The following ANO3 variants were observed in gnomAD, a reference collection of about 807,000 sequenced individuals.
ANO3 encodes anoctamin-3.
ANO3 carries 99 observed loss-of-function variants against 144.8 expected under a neutral mutation model. The observed-to-expected ratio is 0.68, with a 90% CI of 0.58 to 0.81. The LOEUF (loss-of-function observed/expected upper bound fraction) is 0.81, where lower values mean the gene tolerates loss of function less well. Ranked by LOEUF, ANO3 falls within the 30% of genes least tolerant of loss-of-function variation. The pLI, the probability that ANO3 is intolerant of heterozygous loss-of-function variation, is 0.00. For synonymous variants in ANO3, 414 were observed against 392.6 expected (o/e 1.05, Z -0.64); for missense variants, 905 against 1,202.2 (o/e 0.75, Z 3.66).
chr11:26,551,113 T>C (rs895851526), intron 12 of ANO3, among the ~76,000 whole-genome samples: 1 of 152,002 alleles, frequency 6.6e-6, no homozygotes, highest in African/African-American at 2.4e-5. Flanking sequence ...ACAAAGCAAA[T>C]ATTTTATCTT....
chr11:26,373,885 G>A (rs1856331409), intron 1 of ANO3, among the ~76,000 whole-genome samples: 1 of 152,188 alleles, frequency 6.6e-6, no homozygotes, highest in Non-Finnish European at 1.5e-5. Flanking sequence ...CAAGCAACAA[G>A]TAAGTTTCCA....
intron 8 of ANO3, among the ~76,000 whole-genome samples, chr11:26,534,223 A>G (rs1022020262): frequency 2.0e-5 from 3 of 152,238 alleles, no homozygotes; most frequent in African/African-American, 7.2e-5. Context: ...TCCTTGTTCC[A>G]TGTGAAATAA....
chr11:26,467,996 A>T (rs11029571), intron 4 of ANO3, among the ~76,000 whole-genome samples: 1 of 151,636 alleles, frequency 6.6e-6, no homozygotes, highest in African/African-American at 2.4e-5. Context: ...TTCTTGTTTC[A>T]TGAATATGGA....
intron 21 of ANO3, 62 bp from the exon 22 acceptor site, chr11:26,641,834 T>C: frequency 2.0e-6 from 3 of 1,518,808 alleles, no homozygotes; most frequent in Non-Finnish European, 2.7e-6. Context: ...TAATTCACTA[T>C]ACATTGTTAA....
At chr11:26,601,817 A>G (rs908938638) in intron 17 of ANO3, among the ~76,000 whole-genome samples, 1 of 152,202 alleles carries the variant, frequency 6.6e-6, no homozygotes, top group African/African-American at 2.4e-5. Context: ...GTCGATTTCT[A>G]GGTCACAGAA....
chr11:26,389,868 C>T (rs1197085150), intron 1 of ANO3, among the ~76,000 whole-genome samples: 5 of 151,886 alleles, frequency 3.3e-5, no homozygotes, highest in South Asian at 2.1e-4. Flanking sequence ...TACAATAAAC[C>T]TGATGTATTT....
chr11:26,549,812 T>G (rs951151165), intron 12 of ANO3, among the ~76,000 whole-genome samples: 4 of 152,052 alleles, frequency 2.6e-5, no homozygotes, highest in African/African-American at 9.6e-5. Flanking sequence ...GAAGCAGAGC[T>G]GAAGCCCCAA....
intron 1 of ANO3, among the ~76,000 whole-genome samples, chr11:26,391,754 C>G (rs1856885939): frequency 6.6e-6 from 1 of 152,010 alleles, no homozygotes; most frequent in South Asian, 2.1e-4. Context: ...TTGAGAGACC[C>G]TATCTCTATT....
At chr11:26,283,321 A>AATATATATATATATAT (rs58419788) in intron 1 of ANO3, among the ~76,000 whole-genome samples, 27 of 49,072 alleles carry the variant, frequency 5.5e-4, no homozygotes, top group African/African-American at 7.7e-4. Flanking sequence ...CAAATAAATA[A>AATATATATATATATAT]ATATATATAT....
At chr11:26,386,562 A>G (rs1223199330) in intron 1 of ANO3, among the ~76,000 whole-genome samples, 5 of 152,200 alleles carry the variant, frequency 3.3e-5, no homozygotes, top group Admixed American at 3.3e-4. Flanking sequence ...TCGCATCACC[A>G]TGTTGCAATG....
Position 26,661,294 on chromosome 11 carries a change from AT to A in ANO3, c.*856del, listed in dbSNP as rs1391761412. 3.3e-5 allele frequency: 5 copies of A among 152,598 alleles called. No homozygotes were observed. In the East Asian group the frequency reaches 7.8e-4, roughly 24 times the overall value. 9.5% of individuals were successfully genotyped at this position (152,598 alleles called of 1,614,324 possible). A position where few individuals can be genotyped will look rare whatever the true frequency, so the allele number is the denominator to read the frequency against. ...GGAAGGCTGTTTTATAGTTTATTTA[AT>A]TTTTTCTCTATGATTTATTACAACT... On this transcript the variant is annotated 3_prime_UTR_variant, in exon 27 of 27. Transcript: ENST00000256737.
chr11:26,211,816 G>A (rs79839969), intron 1 of ANO3, among the ~76,000 whole-genome samples: 45,994 of 152,028 alleles, frequency 0.3, 7,693 homozygotes, highest in Non-Finnish European at 0.37. Context: ...AAACCCAAAT[G>A]TCCATCAATT....
rs564299613 is a variant in ANO3, at chr11:26,380,479, G to A, written c.46+48158G>A. On this transcript the variant is annotated intron_variant, in intron 1 of 26. Coordinates refer to ENST00000256737, the MANE Select transcript of ANO3 (RefSeq NM_031418.4). ...TGGGAAGTCCAAGATCAAGGCATCA[G>A]CACATTAGGTGTCTGGTGAGCACTC... Among the ~76,000 whole-genome samples, 38 of 152,266 alleles carry A rather than the reference G, an allele frequency of 2.5e-4. 1 individual carries two copies. In the South Asian group the frequency reaches 7.7e-3, roughly 31 times the overall value.
chr11:26,244,284 A>G (rs1852733827), intron 1 of ANO3, among the ~76,000 whole-genome samples: 2 of 152,192 alleles, frequency 1.3e-5, no homozygotes, highest in South Asian at 4.1e-4. Context: ...TGGACTTACT[A>G]AATCAGAAAT....
chr11:26,339,361 G>A (rs1855290278), intron 1 of ANO3, among the ~76,000 whole-genome samples: 1 of 152,050 alleles, frequency 6.6e-6, no homozygotes, highest in Non-Finnish European at 1.5e-5. Flanking sequence ...CACCATGTTG[G>A]CCAGGCTGGT....
chr11:26,242,734 TG>T (rs1238226546), intron 1 of ANO3, among the ~76,000 whole-genome samples: 2 of 152,188 alleles, frequency 1.3e-5, no homozygotes, highest in Admixed American at 6.5e-5. Flanking sequence ...TTACACAATC[TG>T]ATTTTCTCAT....
intron 3 of ANO3, among the ~76,000 whole-genome samples, chr11:26,449,352 C>T (rs1266026734): frequency 6.6e-6 from 1 of 152,140 alleles, no homozygotes; most frequent in Non-Finnish European, 1.5e-5. Flanking sequence ...AATCTTGCTG[C>T]CACCTTTAGC....
intron 1 of ANO3, among the ~76,000 whole-genome samples, chr11:26,396,824 A>G (rs530945749): frequency 3.3e-5 from 5 of 152,034 alleles, no homozygotes; most frequent in Admixed American, 6.6e-5. Flanking sequence ...GGATAACATT[A>G]GGAGAAATAT....
At chr11:26,464,274 A>C (rs1442111475) in intron 4 of ANO3, among the ~76,000 whole-genome samples, 1 of 151,790 alleles carries the variant, frequency 6.6e-6, no homozygotes, top group Non-Finnish European at 1.5e-5. Context: ...ATCTTTGCAA[A>C]TCAGGTGTTT....
Sources: gnomAD v4.1 joint callset for allele counts (sites outside exome capture counted in the v4.1 genomes callset) on GRCh38, gnomAD v4.1.1 for gene constraint, MANE v1.5 for transcripts, NCBI Gene and HGNC (gene_info 2026-07-23, HGNC 2026-07-21) for gene names.